The following TAFA1 variants were observed in gnomAD, a reference collection of about 807,000 sequenced individuals.
TAFA1 encodes the protein chemokine-like protein TAFA-1.
In TAFA1, 4 loss-of-function variants were observed where a neutral mutation model predicts 18.5. The observed-to-expected ratio is 0.22, with a 90% CI of 0.11 to 0.49. The LOEUF (loss-of-function observed/expected upper bound fraction) is 0.49. Among genes scored for constraint, TAFA1 ranks in the 20% least tolerant of loss-of-function variants. The pLI, the probability that TAFA1 is intolerant of heterozygous loss-of-function variation, is 0.98. For missense variants in TAFA1, 147 were observed against 169.0 expected, an observed-to-expected ratio of 0.87 and a Z score of 0.72; for synonymous variants, 56 against 55.2, an observed-to-expected ratio of 1.01 and a Z score of -0.06.
chr3:68,424,657 T>C (rs769151915), intron 3 of TAFA1, among the ~76,000 whole-genome samples: 1 of 151,858 alleles, frequency 6.6e-6, no homozygotes, highest in Non-Finnish European at 1.5e-5. Context: ...GGTTTGATAA[T>C]TGAAGGAAGT....
rs979884456 is a variant in TAFA1 at position 68,079,883 on chromosome 3, C to T, written c.118+73139C>T. Among the ~76,000 whole-genome samples the T allele has an allele frequency of 1.7e-3, 259 of 150,774 alleles. 2 individuals carry two copies. Among genetic ancestry groups the T allele is most frequent in the African/African-American group, 6.0e-3 (245 of 40,964 alleles). On this transcript the variant is annotated intron_variant, in intron 2 of 4. Transcript: ENST00000478136. ...TGGGTATCCTTGTTGACTTTCTGTCCCGTTGATCTGTCTAATGTTGACAGT... is the reference window on the plus strand; with the variant it reads ...TGGGTATCCTTGTTGACTTTCTGTCTCGTTGATCTGTCTAATGTTGACAGT...
At chr3:68,349,088 G>A (rs9838418) in intron 2 of TAFA1, among the ~76,000 whole-genome samples, 5,015 of 151,434 alleles carry the variant, frequency 0.033, 281 homozygotes, top group African/African-American at 0.12. Context: ...AATTTCTCCA[G>A]AATCATTCCC....
chr3:68,494,258 C>T (rs1485757489), intron 3 of TAFA1, among the ~76,000 whole-genome samples: 4 of 152,176 alleles, frequency 2.6e-5, no homozygotes, highest in Admixed American at 2.6e-4. Flanking sequence ...CACATCACCA[C>T]ACCTGGCTAA....
chr3:68,362,874 A>G (rs926043703), intron 2 of TAFA1, among the ~76,000 whole-genome samples: 1 of 152,010 alleles, frequency 6.6e-6, no homozygotes, highest in South Asian at 2.1e-4. Flanking sequence ...GTCATAGTAC[A>G]TAACGAGTAA....
At position 68,476,745 on chromosome 3, in the gene TAFA1, G is replaced by T. The variant is rs147089280; in HGVS notation, c.259+59325G>T. Among the ~76,000 whole-genome samples the T allele has an allele frequency of 8.2e-3, 1,245 of 152,116 alleles. 12 individuals are homozygous for T. The highest frequency in any genetic ancestry group is 0.028 in the African/African-American group (1,168 of 41,494). ...CATAGGATTTGTTACCAGGATCCAA[G>T]ATTATTTTTAAAGGATATATAGAAC... On this transcript the variant is annotated intron_variant, in intron 3 of 4. Coordinates refer to ENST00000478136, the MANE Select transcript of TAFA1 (RefSeq NM_213609.4).
intron 2 of TAFA1, among the ~76,000 whole-genome samples, chr3:68,360,398 A>G (rs915358785): frequency 3.9e-5 from 6 of 152,016 alleles, no homozygotes; most frequent in Admixed American, 2.6e-4. Flanking sequence ...ACATTGTGGT[A>G]TTCCAGTACA....
At chr3:68,197,218 G>A (rs73834891) in intron 2 of TAFA1, among the ~76,000 whole-genome samples, 6,193 of 151,750 alleles carry the variant, frequency 0.041, 147 homozygotes, top group Middle Eastern at 0.082. Context: ...AGAAATATTT[G>A]CCAGCTTTCT....
intron 2 of TAFA1, among the ~76,000 whole-genome samples, chr3:68,370,500 A>ACG (rs2069681821): frequency 2.0e-5 from 2 of 98,286 alleles, no homozygotes; most frequent in African/African-American, 7.5e-5. Flanking sequence ...ATATATATAT[A>ACG]TATATATATA....
intron 2 of TAFA1, among the ~76,000 whole-genome samples, chr3:68,123,572 T>C (rs921777273): frequency 5.9e-5 from 9 of 152,154 alleles, no homozygotes; most frequent in African/African-American, 2.2e-4. Context: ...TGAAAAGAGA[T>C]GGTCTGCCCT....
At chr3:68,180,373 C>G (rs1225450350) in intron 2 of TAFA1, among the ~76,000 whole-genome samples, 1 of 151,938 alleles carries the variant, frequency 6.6e-6, no homozygotes. Flanking sequence ...TCATGTTGAG[C>G]TGGGTTTTCA....
At chr3:68,009,608 A>G (rs1487384605) in intron 2 of TAFA1, among the ~76,000 whole-genome samples, 1 of 152,188 alleles carries the variant, frequency 6.6e-6, no homozygotes, top group Non-Finnish European at 1.5e-5. Context: ...GAATGATTAA[A>G]ATGATATTAA....
At chr3:68,056,508 T>C (rs1053387615) in intron 2 of TAFA1, among the ~76,000 whole-genome samples, 2 of 152,212 alleles carry the variant, frequency 1.3e-5, no homozygotes, top group Non-Finnish European at 2.9e-5. Flanking sequence ...GATCCAGGTT[T>C]ATTTTGGAGA....
intron 2 of TAFA1, among the ~76,000 whole-genome samples, chr3:68,148,418 G>T (rs536787637): frequency 3.2e-4 from 48 of 152,260 alleles, no homozygotes; most frequent in Middle Eastern, 3.4e-3. Context: ...GATCAGTTTG[G>T]CTCAGAAAGT....
chr3:68,432,286 C>G (rs1250428190), intron 3 of TAFA1, among the ~76,000 whole-genome samples: 1 of 151,568 alleles, frequency 6.6e-6, no homozygotes, highest in Non-Finnish European at 1.5e-5. Flanking sequence ...GTCTCTTTTT[C>G]TATAAAAAGG....
intron 2 of TAFA1, among the ~76,000 whole-genome samples, chr3:68,027,511 C>A (rs943461562): frequency 6.6e-6 from 1 of 152,008 alleles, no homozygotes; most frequent in African/African-American, 2.4e-5. Context: ...TTTGTGGAAC[C>A]CCGATATTTA....
At chr3:68,087,086 A>G (rs1482680185) in intron 2 of TAFA1, among the ~76,000 whole-genome samples, 1 of 152,192 alleles carries the variant, frequency 6.6e-6, no homozygotes, top group Non-Finnish European at 1.5e-5. Context: ...ATATTTATGC[A>G]TTGTTCAAAT....
intron 2 of TAFA1, among the ~76,000 whole-genome samples, chr3:68,370,917 T>C (rs73835108): frequency 0.018 from 2,746 of 151,946 alleles, 85 homozygotes; most frequent in African/African-American, 0.061. Flanking sequence ...GGGTATAATC[T>C]TCTAGAACAT....
At chr3:68,495,637 G>A (rs958797333) in intron 3 of TAFA1, among the ~76,000 whole-genome samples, 2 of 151,986 alleles carry the variant, frequency 1.3e-5, no homozygotes, top group African/African-American at 2.4e-5. Context: ...TGCTTCCACC[G>A]AGTTTTCCAA....
intron 2 of TAFA1, among the ~76,000 whole-genome samples, chr3:68,119,120 A>G (rs1259668645): frequency 6.6e-6 from 1 of 151,788 alleles, no homozygotes; most frequent in Non-Finnish European, 1.5e-5. Flanking sequence ...GCATTTCCAT[A>G]ATGATTACTA....
Sources: gnomAD v4.1 joint callset for allele counts (sites outside exome capture counted in the v4.1 genomes callset) on GRCh38, gnomAD v4.1.1 for gene constraint, MANE v1.5 for transcripts, NCBI Gene and HGNC (gene_info 2026-07-23, HGNC 2026-07-21) for gene names.